The following CLIP4 variants were observed in gnomAD, a reference collection of about 807,000 sequenced individuals.
CLIP4 encodes the protein CAP-Gly domain containing linker protein family member 4.
CLIP4 carries 47 observed loss-of-function variants against 73.1 expected under a neutral mutation model. The ratio of observed to expected loss-of-function variants is 0.64; its 90% confidence interval spans 0.51 to 0.82. The LOEUF (loss-of-function observed/expected upper bound fraction) is 0.82. CLIP4 is among the 40% of genes least tolerant of loss of function. The pLI is 0.00. For synonymous variants in CLIP4, 306 were observed against 295.4 expected (o/e 1.04, Z -0.37); for missense variants, 874 against 852.9 (o/e 1.02, Z -0.31).
At chr2:29,130,042 T>C (rs551450070) in intron 2 of CLIP4, 13 of 471,094 alleles carry the variant, frequency 2.8e-5, no homozygotes, top group African/African-American at 2.2e-4. Context: ...TAGGTTGACT[T>C]CCTGAGAAGT....
rs756999943 is a variant in CLIP4 at position 29,181,832 on chromosome 2, G to A, written c.2057G>A (p.Arg686Gln). The change falls in exon 16 of 16, where the codon CGA becomes CAA. Residue 686 changes from arginine (R) to glutamine (Q), a missense_variant. Arg to Gln is a conservative substitution (Grantham distance 43). Transcript: ENST00000320081. Reference sequence around the variant, plus strand: ...AAGCCGAACCATGGAGTCTTAGTTCGACCGAGCAGAGTGACCTATCGGGGA... The same window carrying A: ...AAGCCGAACCATGGAGTCTTAGTTCAACCGAGCAGAGTGACCTATCGGGGA... The part of the protein sequence containing the change: ...TCKPNHGVLV[R>Q]PSRVTYRGIN... 8.7e-6 allele frequency: 14 copies of A among 1,614,020 alleles called. No homozygotes were observed. The highest frequency in any genetic ancestry group is 4.5e-5 in the East Asian group (2 of 44,892).
rs1007399561 is a variant in CLIP4, at chr2:29,180,227, C to T, written c.1797-1345C>T. On this transcript the variant is annotated intron_variant, in intron 15 of 15. Transcript: ENST00000320081. The stretch of plus-strand genomic sequence containing the variant: ...GTAGTTTTGATGGTTTCTTTCTGGC[C>T]GTTTTAGAAGGTCTCAGCTCAGGGA... 4.6e-5 allele frequency among the ~76,000 whole-genome samples: 7 copies of T among 152,118 alleles called. No individual in the cohort carries two copies. The East Asian group carries it at 9.6e-4, about 21-fold the overall frequency.
intron 6 of CLIP4, 111 bp downstream of exon 6, chr2:29,135,777 T>G: frequency 1.5e-6 from 1 of 674,358 alleles, no homozygotes. Flanking sequence ...CATGAGCAAG[T>G]AATTTATATC....
rs1668699432 is a variant in CLIP4 at position 29,182,660 on chromosome 2, C to T, written c.*767C>T. 1 of 152,574 alleles carries T rather than the reference C, an allele frequency of 6.6e-6. No individual in the cohort carries two copies. The highest frequency in any genetic ancestry group is 2.4e-5 in the African/African-American group (1 of 41,430). The allele number at this position is 152,574 out of a possible 1,614,324, so 9.5% of individuals were successfully genotyped here. On this transcript the variant is annotated 3_prime_UTR_variant, in exon 16 of 16. Transcript: ENST00000320081. ...TTTTTCTTCTGCTGCTTGACTGCTT[C>T]ATCTGGATGAACTACAAAAAACCCA...
At chr2:29,164,037 G>A in intron 13 of CLIP4, 83 bp downstream of exon 13, 4 of 1,119,158 alleles carry the variant, frequency 3.6e-6, no homozygotes, top group Non-Finnish European at 5.1e-6. Context: ...TTATATTAAA[G>A]ATATGCTCTG....
chr2:29,163,528 A>G (rs1182211872), intron 12 of CLIP4, among the ~76,000 whole-genome samples: 1 of 152,114 alleles, frequency 6.6e-6, no homozygotes, highest in East Asian at 1.9e-4. Context: ...CAGCTTTTAG[A>G]TATATTTTGG....
chr2:29,145,093 GTTGAGAGAGCGAATTTTTAAAATTCACT>G, intron 7 of CLIP4, 111 bp from the exon 8 acceptor site: 1 of 635,566 alleles, frequency 1.6e-6, no homozygotes, highest in South Asian at 2.4e-5. Flanking sequence ...AAAAGGTAAT[GTTGAGAGAGCGAATTTTTAAAATTCACT>G]TTGAGAGAGT....
chr2:29,145,187 T>C, intron 7 of CLIP4, 45 bp from the exon 8 acceptor site: 1 of 1,559,852 alleles, frequency 6.4e-7, no homozygotes, highest in Non-Finnish European at 8.8e-7. Flanking sequence ...ACCCTTGGAA[T>C]TACTAATAAT....
intron 1 of CLIP4, among the ~76,000 whole-genome samples, chr2:29,106,281 T>C (rs1668205057): frequency 6.6e-6 from 1 of 152,220 alleles, no homozygotes; most frequent in African/African-American, 2.4e-5. Flanking sequence ...CAGTAAATGC[T>C]AGCTCCTTAT....
intron 14 of CLIP4, among the ~76,000 whole-genome samples, chr2:29,172,966 T>C (rs1237871325): frequency 6.6e-6 from 1 of 152,250 alleles, no homozygotes; most frequent in Non-Finnish European, 1.5e-5. Flanking sequence ...TTTAAATATT[T>C]AAAGTATTAT....
At chr2:29,119,804 C>T (rs1490929602) in intron 1 of CLIP4, among the ~76,000 whole-genome samples, 1 of 152,152 alleles carries the variant, frequency 6.6e-6, no homozygotes, top group Non-Finnish European at 1.5e-5. Context: ...ATACCTTCTT[C>T]ACCATTTATG....
intron 5 of CLIP4, among the ~76,000 whole-genome samples, chr2:29,135,018 A>G (rs1665247951): frequency 6.6e-6 from 1 of 152,180 alleles, no homozygotes; most frequent in Non-Finnish European, 1.5e-5. Context: ...TTTTTGGACC[A>G]TATGGTCTCT....
At chr2:29,152,662 T>A in intron 8 of CLIP4, 23 bp from the exon 9 acceptor site, 1 of 1,608,084 alleles carries the variant, frequency 6.2e-7, no homozygotes, top group Non-Finnish European at 8.5e-7. Context: ...TGTTTAACAC[T>A]AAAATTCTGC....
At chr2:29,174,758 C>G (rs1387907942) in intron 15 of CLIP4, 3 of 764,076 alleles carry the variant, frequency 3.9e-6, no homozygotes, top group East Asian at 2.0e-4. Context: ...TTTAAACTCT[C>G]CTTAAGTAAT....
At chr2:29,168,968 CTT>C (rs879801775) in intron 14 of CLIP4, among the ~76,000 whole-genome samples, 5 of 140,442 alleles carry the variant, frequency 3.6e-5, no homozygotes, top group African/African-American at 5.2e-5. Context: ...TATCTAATTT[CTT>C]TTTTTTTTTT....
At chr2:29,157,149 C>T in intron 10 of CLIP4, 55 bp from the exon 11 acceptor site, 1 of 1,503,208 alleles carries the variant, frequency 6.7e-7, no homozygotes, top group Non-Finnish European at 9.3e-7. Flanking sequence ...TGACAAGCTG[C>T]TTCTTGGTCC....
At chr2:29,102,689 C>A (rs1450298570) in intron 1 of CLIP4, among the ~76,000 whole-genome samples, 1 of 151,806 alleles carries the variant, frequency 6.6e-6, no homozygotes, top group Non-Finnish European at 1.5e-5. Flanking sequence ...GCAGTGGTGC[C>A]ATCTCGGCTC....
At chr2:29,137,127 G>A (rs35464842) in intron 6 of CLIP4, among the ~76,000 whole-genome samples, 30,065 of 151,616 alleles carry the variant, frequency 0.2, 3,108 homozygotes, top group African/African-American at 0.25. Context: ...TGTTGACGCC[G>A]TCACCCAAAC....
intron 1 of CLIP4, chr2:29,098,029 C>T (rs1261074649): frequency 6.6e-6 from 1 of 152,212 alleles, no homozygotes; most frequent in Non-Finnish European, 1.5e-5. Flanking sequence ...GGTGAGTATC[C>T]TGAACACAGC....
Sources: allele counts gnomAD v4.1 joint callset (sites outside exome capture counted in the v4.1 genomes callset), GRCh38; gene constraint gnomAD v4.1.1; transcripts MANE v1.5; gene names NCBI Gene and HGNC (gene_info 2026-07-23, HGNC 2026-07-21).